Variants in CDH4 observed in about 807,000 individuals in gnomAD.
CDH4 encodes cadherin 4, also known as cadherin-4.
CDH4 carries 33 observed loss-of-function variants against 86.0 expected under a neutral mutation model. The ratio of observed to expected loss-of-function variants is 0.38; its 90% confidence interval spans 0.29 to 0.51. CDH4 has a LOEUF of 0.51. CDH4 is among the 20% of genes least tolerant of loss of function. CDH4 has a pLI of 0.86. For synonymous variants in CDH4, 555 were observed against 549.4 expected, an observed-to-expected ratio of 1.01 and a Z score of -0.14; for missense variants, 1,114 against 1,307.4, an observed-to-expected ratio of 0.85 and a Z score of 2.28.
chr20:61,633,591 C>T (rs1296947511), intron 2 of CDH4, among the ~76,000 whole-genome samples: 1 of 152,228 alleles, frequency 6.6e-6, no homozygotes, highest in Non-Finnish European at 1.5e-5. Flanking sequence ...ACATGTAAGA[C>T]AGCCTAGATC....
chr20:61,789,460 G>A (rs945234511), intron 4 of CDH4, among the ~76,000 whole-genome samples: 11 of 152,198 alleles, frequency 7.2e-5, no homozygotes, highest in African/African-American at 2.4e-4. Flanking sequence ...TGGCACCCAC[G>A]GGATAGGAGG....
chr20:61,834,719 C>T (rs1167384883), intron 4 of CDH4, among the ~76,000 whole-genome samples: 1 of 114,642 alleles, frequency 8.7e-6, no homozygotes, highest in Admixed American at 8.6e-5. Flanking sequence ...GCTGCCTATC[C>T]CCGCAGCCTC....
chr20:61,892,032 T>C lies in CDH4; in HGVS notation c.1051-2878T>C, dbSNP rs185921588. Among the ~76,000 whole-genome samples the C allele has an allele frequency of 3.3e-3, 510 of 152,390 alleles. 2 individuals are homozygous for C. The highest frequency in any genetic ancestry group is 5.3e-3 in the Non-Finnish European group (364 of 68,044). On this transcript the variant is annotated intron_variant, in intron 7 of 15. Transcript: ENST00000614565. ...GTGGGGCATACAGTCTCTGTGCAGA[T>C]ACTCAGCTCTGCCTTGAGAGTGTGA...
chr20:61,580,516 C>T (rs1421115935), intron 2 of CDH4, among the ~76,000 whole-genome samples: 1 of 152,124 alleles, frequency 6.6e-6, no homozygotes, highest in African/African-American at 2.4e-5. Context: ...TTTTTTGACA[C>T]CTTCGTAAGT....
chr20:61,883,452 G>A (rs1984387811), intron 7 of CDH4, among the ~76,000 whole-genome samples: 3 of 152,120 alleles, frequency 2.0e-5, no homozygotes, highest in Admixed American at 2.0e-4. Flanking sequence ...ATGGGTGGAG[G>A]CCAGGAATGC....
intron 4 of CDH4, among the ~76,000 whole-genome samples, chr20:61,840,451 T>C (rs554274048): frequency 6.6e-6 from 1 of 152,374 alleles, no homozygotes; most frequent in African/African-American, 2.4e-5. Context: ...ACGTTTCATG[T>C]CATCCAGCCA....
intron 9 of CDH4, 113 bp downstream of exon 9, chr20:61,910,720 T>C: frequency 2.0e-6 from 2 of 1,010,340 alleles, no homozygotes; most frequent in Non-Finnish European, 2.9e-6. Context: ...CCCCCTAATA[T>C]CCAAGGGTAG....
chr20:61,514,002 C>G (rs1476179371), intron 2 of CDH4, among the ~76,000 whole-genome samples: 2 of 152,238 alleles, frequency 1.3e-5, no homozygotes, highest in East Asian at 3.9e-4. Flanking sequence ...CCACTGGAGA[C>G]CTGACCTCCT....
chr20:61,730,624 C>T (rs1197973016), intron 2 of CDH4, among the ~76,000 whole-genome samples: 8 of 152,224 alleles, frequency 5.3e-5, no homozygotes, highest in Admixed American at 4.6e-4. Flanking sequence ...AGGCCCAGCG[C>T]CTGCCAGCCC....
intron 2 of CDH4, among the ~76,000 whole-genome samples, chr20:61,731,211 G>A (rs975593129): frequency 6.6e-6 from 1 of 152,106 alleles, no homozygotes; most frequent in Non-Finnish European, 1.5e-5. Context: ...AAACAGTCGT[G>A]CCGCTTGTGG....
intron 11 of CDH4, among the ~76,000 whole-genome samples, chr20:61,927,874 C>T (rs973380883): frequency 4.6e-5 from 7 of 152,008 alleles, no homozygotes; most frequent in African/African-American, 1.7e-4. Context: ...GTGCCGTGCG[C>T]AGTGGCTGTG....
intron 2 of CDH4, among the ~76,000 whole-genome samples, chr20:61,380,895 TACTC>T (rs1462270820): frequency 1.3e-5 from 2 of 152,234 alleles, no homozygotes; most frequent in South Asian, 2.1e-4. Context: ...TCATCAGAAA[TACTC>T]ACCCTTAGCA....
chr20:61,565,234 T>TCCTCTTGGTGATGGGGA lies in CDH4; in HGVS notation c.170-178329_170-178328insCCTCTTGGTGATGGGGA, dbSNP rs1600763981. Among the ~76,000 whole-genome samples, 6 of 53,216 alleles carry TCCTCTTGGTGATGGGGA rather than the reference T, an allele frequency of 1.1e-4. 1 individual carries two copies. The highest frequency in any genetic ancestry group is 8.1e-4 in the Admixed American group (4 of 4,934). 34.9% of individuals were successfully genotyped at this position (53,216 alleles called of 152,430 possible). A position where few individuals can be genotyped will look rare whatever the true frequency, so the allele number is the denominator to read the frequency against. ...TGCTCTCGGTGGTAGGTGGTGGTGG[T>TCCTCTTGGTGATGGGGA]GGTGGTGGCGGTGCTCTTGGTGATG... On this transcript the variant is annotated intron_variant, in intron 2 of 15. Coordinates refer to ENST00000614565, the MANE Select transcript of CDH4 (RefSeq NM_001794.5).
intron 2 of CDH4, among the ~76,000 whole-genome samples, chr20:61,685,432 GCTGTA>G (rs1233412553): frequency 1.3e-5 from 2 of 152,302 alleles, no homozygotes; most frequent in Admixed American, 6.5e-5. Flanking sequence ...AGCCATTCTT[GCTGTA>G]CCTGCCTCAT....
chr20:61,800,065 G>A (rs1239724383), intron 4 of CDH4, among the ~76,000 whole-genome samples: 1 of 152,190 alleles, frequency 6.6e-6, no homozygotes, highest in Non-Finnish European at 1.5e-5. Context: ...TTCCTCTGAG[G>A]GGTTCCCCAG....
At chr20:61,454,362 G>A (rs1375243900) in intron 2 of CDH4, among the ~76,000 whole-genome samples, 2 of 152,172 alleles carry the variant, frequency 1.3e-5, no homozygotes, top group Admixed American at 6.5e-5. Context: ...TGATGGGAGG[G>A]GCACCCGGGT....
chr20:61,484,717 G>A (rs557178104), intron 2 of CDH4, among the ~76,000 whole-genome samples: 1 of 152,250 alleles, frequency 6.6e-6, no homozygotes, highest in South Asian at 2.1e-4. Context: ...CAGCCAGTGG[G>A]GAAAGAGCTA....
At chr20:61,612,804 C>T (rs1447977546) in intron 2 of CDH4, among the ~76,000 whole-genome samples, 1 of 152,094 alleles carries the variant, frequency 6.6e-6, no homozygotes, top group Non-Finnish European at 1.5e-5. Context: ...GCCTGTCACC[C>T]ACAGGGCTTG....
intron 6 of CDH4, among the ~76,000 whole-genome samples, chr20:61,870,842 C>T (rs906979982): frequency 5.3e-5 from 8 of 152,282 alleles, no homozygotes; most frequent in African/African-American, 1.4e-4. Flanking sequence ...GAAGGCTGAA[C>T]GTTAGTAACA....
Sources: allele counts gnomAD v4.1 joint callset (sites outside exome capture counted in the v4.1 genomes callset), GRCh38; gene constraint gnomAD v4.1.1; transcripts MANE v1.5; gene names NCBI Gene and HGNC (gene_info 2026-07-23, HGNC 2026-07-21).